NGLY1: variants seen among roughly 807,000 people sequenced by gnomAD.
The protein encoded by NGLY1 is peptide-N(4)-(N-acetyl-beta-glucosaminyl)asparagine amidase.
In NGLY1, 68 loss-of-function variants were observed where a neutral mutation model predicts 84.6. The ratio of observed to expected loss-of-function variants is 0.80; its 90% confidence interval spans 0.66 to 0.98. The LOEUF is 0.98. Ranked by LOEUF, NGLY1 falls within the 50% of genes least tolerant of loss-of-function variation. The pLI is 0.00. For missense variants in NGLY1, 779 were observed against 770.2 expected (o/e 1.01, Z -0.14); for synonymous variants, 280 against 275.2 (o/e 1.02, Z -0.17).
chr3:25,746,190 G>A (rs1706418625), intron 4 of NGLY1, among the ~76,000 whole-genome samples: 1 of 152,016 alleles, frequency 6.6e-6, no homozygotes, highest in African/African-American at 2.4e-5. Context: ...CCCAAATAGA[G>A]CCTGTCCTTC....
In NGLY1 at chr3:25,739,797, T is replaced by C. The variant is rs369388667; in HGVS notation, c.661A>G (p.Ile221Val). Residue 221 changes from isoleucine (I) to valine (V), a missense_variant and splice_region_variant, in exon 5 of 12, where the codon ATC (isoleucine) becomes GTC (valine). Ile to Val is a conservative substitution (Grantham distance 29). Transcript: ENST00000280700. ...LSRARKLDKG[I>V]NISDEDFLLL... ...AGAAAATCCTCATCACTTATATTGATACCTGAGAAATTAAGGGAGGACCAA... is the reference window on the plus strand; with the variant it reads ...AGAAAATCCTCATCACTTATATTGACACCTGAGAAATTAAGGGAGGACCAA... 5 of 1,612,084 alleles carry C rather than the reference T, an allele frequency of 3.1e-6. No homozygotes were observed. In the African/African-American group the frequency reaches 5.3e-5, roughly 17 times the overall value.
intron 3 of NGLY1, 100 bp downstream of exon 3, chr3:25,763,966 T>C: frequency 1.4e-6 from 2 of 1,442,228 alleles, no homozygotes; most frequent in Non-Finnish European, 1.9e-6. Context: ...GAACAAAATA[T>C]GGGGCATAAA....
At chr3:25,783,479 C>T (rs1708523531), upstream of NGLY1, 1 of 1,316,746 alleles carries the variant, frequency 7.6e-7, no homozygotes, top group Admixed American at 4.3e-5. The surrounding 1 kb of genome is among the most constrained non-coding windows in gnomAD (Gnocchi z 4.5). Flanking sequence ...CTACCGCAGC[C>T]ACCGGCAGGG....
At chr3:25,779,371 A>T (rs1708306914) in intron 1 of NGLY1, among the ~76,000 whole-genome samples, 1 of 152,204 alleles carries the variant, frequency 6.6e-6, no homozygotes, top group South Asian at 2.1e-4. Context: ...GAGATTTTTA[A>T]TTACTTTGAT....
chr3:25,755,489 T>C, intron 3 of NGLY1: 1 of 1,459,636 alleles, frequency 6.9e-7, no homozygotes, highest in South Asian at 1.1e-5. Context: ...AGATTCCACC[T>C]TCTCGGTCCA....
Position 25,783,176 on chromosome 3 carries a change from G to A in NGLY1, c.131+84C>T. On this transcript the variant is annotated intron_variant, in intron 1 of 11. Coordinates refer to ENST00000280700, the MANE Select transcript of NGLY1 (RefSeq NM_018297.4). This position sits in a 1 kb window ranked among gnomAD's most constrained non-coding sequence, Gnocchi z 4.5. ...GGGCGTCGCTGCCCTCTGAAGCTCA[G>A]GCCGGACGCCCCAGTCCCTGGCCGA... The A allele has an allele frequency of 7.6e-7, 1 of 1,311,572 alleles. No individual in the cohort carries two copies. The highest frequency in any genetic ancestry group is 1.2e-5 in the South Asian group (1 of 80,710). The allele number at this position is 1,311,572 out of a possible 1,614,324, so 81.2% of individuals were successfully genotyped here.
chr3:25,719,829 C>T (rs1704889817), intron 11 of NGLY1, among the ~76,000 whole-genome samples, 185 bp downstream of exon 11: 1 of 151,492 alleles, frequency 6.6e-6, no homozygotes, highest in Non-Finnish European at 1.5e-5. Context: ...TTGTATTTCA[C>T]AACAGAAAAC....
chr3:25,755,579 T>C, intron 3 of NGLY1: 1 of 1,449,172 alleles, frequency 6.9e-7, no homozygotes, highest in Non-Finnish European at 9.7e-7. Flanking sequence ...CCAAAAATAT[T>C]CTTATTCCCA....
intron 1 of NGLY1, among the ~76,000 whole-genome samples, chr3:25,780,066 G>A (rs1708338297): frequency 6.6e-6 from 1 of 152,188 alleles, no homozygotes. Flanking sequence ...TTTTACAAAA[G>A]TTATAGGTCC....
chr3:25,734,690 C>A, intron 7 of NGLY1: 1 of 698,670 alleles, frequency 1.4e-6, no homozygotes. Flanking sequence ...CCAGCCTGGG[C>A]AAGAGGGTGA....
In NGLY1 at chr3:25,783,286, C is replaced by T. The variant is rs747815155; in HGVS notation, c.105G>A (p.Leu35=). The change falls in exon 1 of 12, where the codon CTG becomes CTA. Residue 35 remains leucine (L), a synonymous_variant. Transcript: ENST00000280700. The surrounding 1 kb of genome is among the most constrained non-coding windows in gnomAD (Gnocchi z 4.5). ...PETFLEASKL[L]LTYADNILRN... ...TGAGGATGTTGTCAGCATAGGTGAG[C>T]AGCAGCTTGGAGGCCTCCAAAAAGG... 2 of 1,609,258 alleles carry T rather than the reference C, an allele frequency of 1.2e-6. No homozygotes were observed. The highest frequency in any genetic ancestry group is 1.1e-5 in the South Asian group (1 of 90,780).
At position 25,778,620 on chromosome 3, in the gene NGLY1, G is replaced by A. The variant is rs145752045; in HGVS notation, c.200C>T (p.Pro67Leu). The change falls in exon 2 of 12, where the codon CCT (proline) becomes CTT (leucine). Residue 67 changes from proline to leucine, a missense_variant. Transcript: ENST00000280700. ...TAAACATTCAACAGCTCCTCTGACAGGCAAGAGTCTAGTAGAAAAGGCTGT... is the reference window on the plus strand; with the variant it reads ...TAAACATTCAACAGCTCCTCTGACAAGCAAGAGTCTAGTAGAAAAGGCTGT... ...GNTAFSTRLL[P>L]VRGAVECLFE... 1.4e-5 allele frequency: 23 copies of A among 1,612,036 alleles called. No homozygotes were observed. The highest frequency in any genetic ancestry group is 1.9e-5 in the Non-Finnish European group (22 of 1,178,942).
At chr3:25,741,905 G>C (rs1706167392) in intron 4 of NGLY1, among the ~76,000 whole-genome samples, 1 of 152,254 alleles carries the variant, frequency 6.6e-6, no homozygotes, top group East Asian at 1.9e-4. Context: ...GGAAGCTGAG[G>C]CAGGAGAATC....
chr3:25,724,022 T>C (rs115246843), intron 10 of NGLY1, among the ~76,000 whole-genome samples: 2,569 of 152,324 alleles, frequency 0.017, 77 homozygotes, highest in African/African-American at 0.059. Context: ...AGCCATACTA[T>C]TCACAATATA....
intron 3 of NGLY1, among the ~76,000 whole-genome samples, chr3:25,758,965 C>T (rs1707174842): frequency 6.6e-6 from 1 of 152,176 alleles, no homozygotes; most frequent in South Asian, 2.1e-4. Flanking sequence ...ACCCCTCTTC[C>T]ATTTTGATTC....
At chr3:25,729,546 T>C (rs981623155) in intron 9 of NGLY1, 4 of 294,532 alleles carry the variant, frequency 1.4e-5, no homozygotes, top group East Asian at 5.6e-5. Context: ...CTCTGACTTA[T>C]ATTTTTGTGA....
chr3:25,766,902 C>T (rs1212428924), intron 2 of NGLY1, among the ~76,000 whole-genome samples: 11 of 152,082 alleles, frequency 7.2e-5, no homozygotes, highest in Non-Finnish European at 1.6e-4. Flanking sequence ...TAATTATGGC[C>T]AAAGTGTCTA....
At chr3:25,781,691 C>T (rs1425411530) in intron 1 of NGLY1, among the ~76,000 whole-genome samples, 2 of 152,126 alleles carry the variant, frequency 1.3e-5, no homozygotes, top group Non-Finnish European at 2.9e-5. Flanking sequence ...GAGCAAACTC[C>T]GTCTCAAAAA....
intron 2 of NGLY1, among the ~76,000 whole-genome samples, chr3:25,775,069 G>A (rs1337860151): frequency 2.0e-5 from 3 of 152,186 alleles, no homozygotes; most frequent in Non-Finnish European, 4.4e-5. Context: ...TGGATTTTCA[G>A]GTTCCCCAGT....
Sources: gnomAD v4.1 joint callset for allele counts (sites outside exome capture counted in the v4.1 genomes callset) on GRCh38, gnomAD v4.1.1 for gene constraint, Gnocchi (gnomAD v3.1) non-coding constraint, MANE v1.5 for transcripts, NCBI Gene and HGNC (gene_info 2026-07-23, HGNC 2026-07-21) for gene names.